The following GLT1D1 variants were observed in gnomAD, a reference collection of about 807,000 sequenced individuals.
GLT1D1 encodes glycosyltransferase 1 domain-containing protein 1.
Under a neutral mutation model 28.7 loss-of-function variants are expected in GLT1D1, and 21 were observed. The ratio of observed to expected loss-of-function variants is 0.73; its 90% confidence interval spans 0.52 to 1.05. The LOEUF is 1.05. GLT1D1 is among the 50% of genes least tolerant of loss of function. The pLI, the probability that GLT1D1 is intolerant of heterozygous loss-of-function variation, is 0.00. For synonymous variants in GLT1D1, 147 were observed against 124.8 expected, an observed-to-expected ratio of 1.18 and a Z score of -1.19; for missense variants, 343 against 330.6, an observed-to-expected ratio of 1.04 and a Z score of -0.29.
intron 4 of GLT1D1, among the ~76,000 whole-genome samples, chr12:128,915,239 A>G (rs1871987937): frequency 1.3e-5 from 2 of 152,120 alleles, no homozygotes; most frequent in Non-Finnish European, 2.9e-5. Context: ...TTTCAGTATC[A>G]TTTCCTGTGA....
intron 2 of GLT1D1, among the ~76,000 whole-genome samples, chr12:128,886,675 TC>T (rs1349310692): frequency 6.6e-6 from 1 of 151,992 alleles, no homozygotes; most frequent in African/African-American, 2.4e-5. Context: ...GCCTCCCTCT[TC>T]CACTTGTAAC....
intron 7 of GLT1D1, among the ~76,000 whole-genome samples, chr12:128,979,832 G>A (rs1438935556): frequency 6.6e-6 from 1 of 151,916 alleles, no homozygotes; most frequent in African/African-American, 2.4e-5. Flanking sequence ...CCTCATCAGT[G>A]CTCAGAACAC....
chr12:128,867,081 A>G (rs924052836), intron 1 of GLT1D1, among the ~76,000 whole-genome samples: 2 of 151,370 alleles, frequency 1.3e-5, no homozygotes, highest in South Asian at 2.1e-4. Context: ...TTTCTGGCTC[A>G]TTGACCTTTT....
intron 4 of GLT1D1, among the ~76,000 whole-genome samples, chr12:128,909,277 A>T (rs959080902): frequency 3.3e-5 from 5 of 152,190 alleles, no homozygotes; most frequent in Non-Finnish European, 5.9e-5. Context: ...GCAGGAGTTC[A>T]GTGGCAAGGC....
At chr12:128,892,186 T>C (rs986415985) in intron 3 of GLT1D1, among the ~76,000 whole-genome samples, 1 of 152,060 alleles carries the variant, frequency 6.6e-6, no homozygotes, top group Non-Finnish European at 1.5e-5. Flanking sequence ...GGGAGGGAGG[T>C]TTGCCCTTAG....
At chr12:128,909,689 T>G (rs1489301484) in intron 4 of GLT1D1, among the ~76,000 whole-genome samples, 1 of 152,210 alleles carries the variant, frequency 6.6e-6, no homozygotes, top group Non-Finnish European at 1.5e-5. Flanking sequence ...GAATGGGAAG[T>G]TCTTTGGTTG....
At chr12:128,900,923 A>G (rs1870183758) in intron 4 of GLT1D1, among the ~76,000 whole-genome samples, 1 of 152,126 alleles carries the variant, frequency 6.6e-6, no homozygotes, top group African/African-American at 2.4e-5. Context: ...GGTGTGAGCC[A>G]CTGCACCTGG....
At chr12:128,980,715 G>T (rs567828422) in intron 7 of GLT1D1, among the ~76,000 whole-genome samples, 2 of 152,218 alleles carry the variant, frequency 1.3e-5, no homozygotes, top group Admixed American at 6.5e-5. Flanking sequence ...GGGCCGGGGC[G>T]CATGGAAGCT....
rs577431236 is a variant in GLT1D1, at chr12:128,960,490, G to T, written c.639+2847G>T. Among the ~76,000 whole-genome samples, 15 of 152,316 alleles carry T rather than the reference G, an allele frequency of 9.8e-5. No homozygotes were observed. The East Asian group carries it at 2.7e-3, about 27-fold the overall frequency. ...TTTAAATATGAGGCCGGGCACAGTG[G>T]CTCGTGCCTGTAATCCCAGTACTTT... On this transcript the variant is annotated intron_variant, in intron 7 of 7. Coordinates refer to ENST00000281703, the MANE Select transcript of GLT1D1 (RefSeq NM_144669.3).
chr12:128,879,215 G>A (rs749385759), intron 2 of GLT1D1, among the ~76,000 whole-genome samples: 70 of 152,126 alleles, frequency 4.6e-4, no homozygotes, highest in Non-Finnish European at 6.8e-4. Flanking sequence ...ATAGGTAAAC[G>A]TGTGCCATGG....
At chr12:128,893,595 T>G (rs1308971218) in intron 3 of GLT1D1, among the ~76,000 whole-genome samples, 1 of 152,086 alleles carries the variant, frequency 6.6e-6, no homozygotes, top group African/African-American at 2.4e-5. Flanking sequence ...ATTTTATTGT[T>G]TTTTTTTGGA....
At chr12:128,883,997 G>C (rs1008988170) in intron 2 of GLT1D1, among the ~76,000 whole-genome samples, 1 of 152,142 alleles carries the variant, frequency 6.6e-6, no homozygotes, top group South Asian at 2.1e-4. Context: ...GTGAATAAGA[G>C]TTTATAAATA....
chr12:128,868,879 C>CT (rs905084782), intron 1 of GLT1D1, among the ~76,000 whole-genome samples: 5 of 152,102 alleles, frequency 3.3e-5, no homozygotes, highest in Non-Finnish European at 7.4e-5. Flanking sequence ...TGTTTTCTTT[C>CT]TTTTTTTTGA....
chr12:128,911,389 C>T (rs538492739), intron 4 of GLT1D1, among the ~76,000 whole-genome samples: 117 of 152,332 alleles, frequency 7.7e-4, no homozygotes, highest in Non-Finnish European at 1.5e-3. Context: ...CAACGTCCAA[C>T]GTGGATCAGC....
At chr12:128,914,541 C>T (rs886080814) in intron 4 of GLT1D1, among the ~76,000 whole-genome samples, 2 of 152,118 alleles carry the variant, frequency 1.3e-5, no homozygotes, top group Admixed American at 1.3e-4. Flanking sequence ...ACAAGTGGGC[C>T]GTGTGTGGTG....
At chr12:128,908,208 C>T (rs1007585322) in intron 4 of GLT1D1, among the ~76,000 whole-genome samples, 4 of 152,128 alleles carry the variant, frequency 2.6e-5, no homozygotes, top group Non-Finnish European at 5.9e-5. Context: ...CGCGCCTGGC[C>T]GGATTGTGTT....
In GLT1D1 at chr12:128,936,156, CT is replaced by C. The variant is rs34046835; in HGVS notation, c.376-9154del. 1.5e-3 allele frequency among the ~76,000 whole-genome samples: 205 copies of C among 138,714 alleles called. 2 individuals carry two copies. Among genetic ancestry groups the C allele is most frequent in the African/African-American group, 4.4e-3 (163 of 37,360 alleles). The allele number at this position is 138,714 out of a possible 152,430, so 91.0% of individuals were successfully genotyped here. A position where few individuals can be genotyped will look rare whatever the true frequency, so the allele number is the denominator to read the frequency against. ...ATCCTGTGAGTGTTAAATAAAATAT[CT>C]TTTTTTTTTTTTTTTGAGACGGAGT... On this transcript the variant is annotated intron_variant, in intron 4 of 7. Transcript: ENST00000281703.
intron 1 of GLT1D1, among the ~76,000 whole-genome samples, chr12:128,858,914 A>T (rs1039801995): frequency 1.3e-5 from 2 of 152,092 alleles, no homozygotes; most frequent in Admixed American, 1.3e-4. Flanking sequence ...GCCTCAACCA[A>T]TTGTCAGCCA....
chr12:128,946,861 C>T (rs1876172490), intron 5 of GLT1D1, among the ~76,000 whole-genome samples: 1 of 151,204 alleles, frequency 6.6e-6, no homozygotes, highest in African/African-American at 2.4e-5. Context: ...GTTCGCCAGG[C>T]TGGTCTCCAA....
Sources: allele counts gnomAD v4.1 joint callset (sites outside exome capture counted in the v4.1 genomes callset), GRCh38; gene constraint gnomAD v4.1.1; transcripts MANE v1.5; gene names NCBI Gene and HGNC (gene_info 2026-07-23, HGNC 2026-07-21).